OSBPL3: variants seen among roughly 807,000 people sequenced by gnomAD.
OSBPL3 encodes oxysterol-binding protein-related protein 3.
In OSBPL3, 65 loss-of-function variants were observed where a neutral mutation model predicts 120.1. The observed-to-expected ratio is 0.54, with a 90% CI of 0.44 to 0.67. The LOEUF is 0.67. Among genes scored for constraint, OSBPL3 ranks in the 30% least tolerant of loss-of-function variants. The pLI is 0.00. For synonymous variants in OSBPL3, 416 were observed against 402.6 expected (o/e 1.03, Z -0.40); for missense variants, 1,004 against 1,082.1 (o/e 0.93, Z 1.01).
rs377443397 is a variant in OSBPL3 at position 24,913,290 on chromosome 7, G to A, written c.-149-20669C>T. Among the ~76,000 whole-genome samples the A allele has an allele frequency of 3.9e-5, 6 of 152,300 alleles. No individual in the cohort carries two copies. In the East Asian group the frequency reaches 1.2e-3, roughly 29 times the overall value. Reference sequence around the variant, plus strand: ...ATTAGATCGCTGAAACCCCAGGCAGGAAGCCCTGGCAGACCTCCAGACTCA... The same window carrying A: ...ATTAGATCGCTGAAACCCCAGGCAGAAAGCCCTGGCAGACCTCCAGACTCA... On this transcript the variant is annotated intron_variant, in intron 1 of 22. Transcript: ENST00000313367. The surrounding 1 kb of genome is among the most constrained non-coding windows in gnomAD (Gnocchi z 5.3).
rs75675657 is a variant in OSBPL3 at position 24,947,760 on chromosome 7, C to T, written c.-150+32126G>A. Among the ~76,000 whole-genome samples, 4,705 of 142,996 alleles carry T rather than the reference C, an allele frequency of 0.033. 258 individuals carry two copies. The highest frequency in any genetic ancestry group is 0.12 in the African/African-American group (4,464 of 38,108). 93.8% of individuals were successfully genotyped at this position (142,996 alleles called of 152,430 possible). On this transcript the variant is annotated intron_variant, in intron 1 of 22. Coordinates refer to ENST00000313367, the MANE Select transcript of OSBPL3 (RefSeq NM_015550.4). The surrounding 1 kb of genome is among the most constrained non-coding windows in gnomAD (Gnocchi z 4.4). Reference sequence around the variant, plus strand: ...ATATATGCATGTGTATATATGTATACATACATATCCAATTAAATCACACAC... The same window carrying T: ...ATATATGCATGTGTATATATGTATATATACATATCCAATTAAATCACACAC...
intron 16 of OSBPL3, among the ~76,000 whole-genome samples, chr7:24,828,421 A>G (rs1462846491): frequency 1.3e-5 from 2 of 152,102 alleles, no homozygotes. Context: ...CAGCCCGGCC[A>G]ATATGGTGAA....
At chr7:24,840,591 G>A (rs1434895207) in intron 14 of OSBPL3, 99 bp downstream of exon 14, 3 of 518,074 alleles carry the variant, frequency 5.8e-6, no homozygotes, top group Non-Finnish European at 1.0e-5. Context: ...TGGGGTATCA[G>A]CACCTTGAAC....
intron 1 of OSBPL3, among the ~76,000 whole-genome samples, chr7:24,949,314 A>T (rs1325976455): frequency 1.3e-5 from 2 of 152,152 alleles, no homozygotes; most frequent in Admixed American, 6.5e-5. Context: ...ACTCTTTCTC[A>T]TATTTTAATA....
Position 24,972,416 on chromosome 7 carries a change from G to A in OSBPL3, c.-150+7470C>T, listed in dbSNP as rs1405440597. Among the ~76,000 whole-genome samples, 1 of 152,072 alleles carries A rather than the reference G, an allele frequency of 6.6e-6. No individual in the cohort carries two copies. Among genetic ancestry groups the A allele is most frequent in the African/African-American group, 2.4e-5 (1 of 41,390 alleles). On this transcript the variant is annotated intron_variant, in intron 1 of 22. Transcript: ENST00000313367. The surrounding 1 kb of genome is among the most constrained non-coding windows in gnomAD (Gnocchi z 4.3). ...AGAAAAATGGAACCTTTCTCTCCAG[G>A]GTCCCAATTAAAAGCCAGACTCATT...
intron 16 of OSBPL3, among the ~76,000 whole-genome samples, chr7:24,828,857 G>A (rs2128164304): frequency 6.6e-6 from 1 of 152,120 alleles, no homozygotes. Flanking sequence ...TTTGAAGCAG[G>A]CAGGTCTGTA....
intron 1 of OSBPL3, among the ~76,000 whole-genome samples, chr7:24,920,566 T>C (rs1228891892): frequency 6.6e-6 from 1 of 152,196 alleles, no homozygotes; most frequent in Non-Finnish European, 1.5e-5. Context: ...GTAACATGAC[T>C]CTGAATATAC....
rs577451135 is a variant in OSBPL3 at position 24,906,921 on chromosome 7, C to T, written c.-149-14300G>A. On this transcript the variant is annotated intron_variant, in intron 1 of 22. Coordinates refer to ENST00000313367, the MANE Select transcript of OSBPL3 (RefSeq NM_015550.4). The stretch of plus-strand genomic sequence containing the variant: ...CTCCAGTCCCCAGCCTGGTGTTGGC[C>T]CCTGGATTCATCACTGGAACAGCAA... Among the ~76,000 whole-genome samples the T allele has an allele frequency of 6.6e-5, 10 of 152,198 alleles. No homozygotes were observed. In the South Asian group the frequency reaches 1.0e-3, roughly 16 times the overall value.
intron 18 of OSBPL3, among the ~76,000 whole-genome samples, chr7:24,816,146 T>G (rs1366038295): frequency 6.6e-6 from 1 of 152,210 alleles, no homozygotes; most frequent in African/African-American, 2.4e-5. Context: ...CACCTCAGCC[T>G]CCTGAGTAGC....
chr7:24,943,276 C>T (rs1343947316), intron 1 of OSBPL3, among the ~76,000 whole-genome samples: 1 of 152,170 alleles, frequency 6.6e-6, no homozygotes, highest in Non-Finnish European at 1.5e-5. Flanking sequence ...CCCTCTCACT[C>T]CCCAATACTC....
chr7:24,940,432 TAA>T lies in OSBPL3; in HGVS notation c.-150+39452_-150+39453del. ...TAGCCCAGGTACACCAGGGGAGAAG[TAA>T]AGAGTGTGGAAGAGTAAAGACCAGA... On this transcript the variant is annotated intron_variant, in intron 1 of 22. Transcript: ENST00000313367. This position sits in a 1 kb window ranked among gnomAD's most constrained non-coding sequence, Gnocchi z 4.4. Among the ~76,000 whole-genome samples the T allele has an allele frequency of 6.6e-6, 1 of 151,886 alleles. No individual in the cohort carries two copies. Among genetic ancestry groups the T allele is most frequent in the African/African-American group, 2.4e-5 (1 of 41,384 alleles).
At position 24,965,596 on chromosome 7, in the gene OSBPL3, C is replaced by A. The variant is rs1036598386; in HGVS notation, c.-150+14290G>T. Among the ~76,000 whole-genome samples, 1 of 152,164 alleles carries A rather than the reference C, an allele frequency of 6.6e-6. No individual in the cohort carries two copies. The highest frequency in any genetic ancestry group is 1.9e-4 in the East Asian group (1 of 5,206). ...TGGATTTGCTAAGGGGTCCATGAAC[C>A]AGAGTCAGTATCTCCTAATAACTTA... On this transcript the variant is annotated intron_variant, in intron 1 of 22. Transcript: ENST00000313367. The surrounding 1 kb of genome is among the most constrained non-coding windows in gnomAD (Gnocchi z 4.3).
rs1312528305 is a variant in OSBPL3, at chr7:24,831,298, A to C, written c.1747-393T>G. 5.3e-5 allele frequency among the ~76,000 whole-genome samples: 8 copies of C among 152,132 alleles called. No homozygotes were observed. Among genetic ancestry groups the C allele is most frequent in the Non-Finnish European group, 1.0e-4 (7 of 68,014 alleles). ...TGGAGTGGGGAAAGAGTATTAAAAA[A>C]GGAGTGTTAAAAAATCCCTCCAAAA... On this transcript the variant is annotated intron_variant, in intron 15 of 22. Coordinates refer to ENST00000313367, the MANE Select transcript of OSBPL3 (RefSeq NM_015550.4). The surrounding 1 kb of genome is among the most constrained non-coding windows in gnomAD (Gnocchi z 4.0).
rs1053398474 is a variant in OSBPL3 at position 24,854,475 on chromosome 7, G to A, written c.1028-1841C>T. ...GATGGACCTGAAACATCTTAACAAA[G>A]TCACAACAATTTGTACACACACACA... On this transcript the variant is annotated intron_variant, in intron 10 of 22. Transcript: ENST00000313367. The surrounding 1 kb of genome is among the most constrained non-coding windows in gnomAD (Gnocchi z 4.1). 5.4e-5 allele frequency among the ~76,000 whole-genome samples: 8 copies of A among 147,568 alleles called. No homozygotes were observed. The highest frequency in any genetic ancestry group is 2.7e-4 in the Admixed American group (4 of 14,658).
At chr7:24,865,018 T>C (rs887165938) in intron 7 of OSBPL3, among the ~76,000 whole-genome samples, 1 of 152,150 alleles carries the variant, frequency 6.6e-6, no homozygotes, top group Non-Finnish European at 1.5e-5. Context: ...TCTAGCACAA[T>C]GATTCTCAAT....
chr7:24,884,675 T>C (rs1804228063), intron 2 of OSBPL3, among the ~76,000 whole-genome samples: 1 of 152,176 alleles, frequency 6.6e-6, no homozygotes, highest in South Asian at 2.1e-4. Context: ...CACTTCCTAC[T>C]ACAGGCGCTC....
chr7:24,929,510 CTTTT>C (rs372726002), intron 1 of OSBPL3, among the ~76,000 whole-genome samples: 3 of 147,666 alleles, frequency 2.0e-5, no homozygotes, highest in African/African-American at 7.4e-5. Flanking sequence ...TAGTTTAGCA[CTTTT>C]TTTTTTACAG....
In OSBPL3 at chr7:24,820,379, G is replaced by C. The variant is rs1286678451; in HGVS notation, c.1885-141C>G. 1.9e-5 allele frequency: 12 copies of C among 633,904 alleles called. No individual in the cohort carries two copies. In the East Asian group the frequency reaches 2.7e-4, roughly 14 times the overall value. The allele number at this position is 633,904 out of a possible 1,614,324, so 39.3% of individuals were successfully genotyped here. On this transcript the variant is annotated intron_variant, in intron 16 of 22. Transcript: ENST00000313367. The surrounding 1 kb of genome is among the most constrained non-coding windows in gnomAD (Gnocchi z 4.6). Reference sequence around the variant, plus strand: ...AAACTTCTTTAGTTTCCCTCATCAAGTGTGTCCTCAAGAGGGCGCTCCTGA... The same window carrying C: ...AAACTTCTTTAGTTTCCCTCATCAACTGTGTCCTCAAGAGGGCGCTCCTGA...
At position 24,852,819 on chromosome 7, in the gene OSBPL3, A is replaced by G. The variant is rs532640013; in HGVS notation, c.1028-185T>C. On this transcript the variant is annotated intron_variant, in intron 10 of 22. Transcript: ENST00000313367. The surrounding 1 kb of genome is among the most constrained non-coding windows in gnomAD (Gnocchi z 4.1). ...TTTGCCATGTAGAACACGCTAATGT[A>G]AACTAAGGCCTCTGGATGATGATGT... Among the ~76,000 whole-genome samples the G allele has an allele frequency of 6.6e-6, 1 of 152,310 alleles. No homozygotes were observed. Among genetic ancestry groups the G allele is most frequent in the South Asian group, 2.1e-4 (1 of 4,822 alleles).
Sources: allele counts gnomAD v4.1 joint callset (sites outside exome capture counted in the v4.1 genomes callset), GRCh38; gene constraint gnomAD v4.1.1; non-coding constraint Gnocchi (gnomAD v3.1); transcripts MANE v1.5; gene names NCBI Gene and HGNC (gene_info 2026-07-23, HGNC 2026-07-21).